Variants in TMPRSS15 observed in about 807,000 individuals in gnomAD.
TMPRSS15 encodes enteropeptidase.
In TMPRSS15, 128 loss-of-function variants were observed where a neutral mutation model predicts 125.3. That is an observed-to-expected ratio of 1.02 (90% confidence interval 0.89 to 1.18). The LOEUF is 1.18. Ranked by LOEUF, TMPRSS15 falls within the 50% of genes most tolerant of loss-of-function variation. The pLI, the probability that TMPRSS15 is intolerant of heterozygous loss-of-function variation, is 0.00. For synonymous variants in TMPRSS15, 446 were observed against 423.2 expected (o/e 1.05, Z -0.66); for missense variants, 1,283 against 1,212.7 (o/e 1.06, Z -0.86).
intron 1 of TMPRSS15, among the ~76,000 whole-genome samples, chr21:18,459,899 T>C (rs1601470214): frequency 2.0e-5 from 3 of 152,314 alleles, no homozygotes; most frequent in Admixed American, 1.3e-4. Flanking sequence ...GTCTCACACA[T>C]AATTAATTAA....
chr21:18,321,135 G>C (rs1210013302), intron 16 of TMPRSS15, among the ~76,000 whole-genome samples: 2 of 152,062 alleles, frequency 1.3e-5, no homozygotes, highest in African/African-American at 2.4e-5. Flanking sequence ...TATCAGAAAA[G>C]AGGAATAAGG....
At chr21:18,360,436 G>C (rs988058766) in intron 7 of TMPRSS15, among the ~76,000 whole-genome samples, 1 of 152,076 alleles carries the variant, frequency 6.6e-6, no homozygotes, top group Admixed American at 6.6e-5. Flanking sequence ...TCAGAATTGG[G>C]AATGCTGGAT....
intron 21 of TMPRSS15, among the ~76,000 whole-genome samples, chr21:18,289,654 G>A (rs2074810344): frequency 6.6e-6 from 1 of 152,222 alleles, no homozygotes; most frequent in South Asian, 2.1e-4. Flanking sequence ...TAATCCCTGT[G>A]ATGTCTCTGG....
At chr21:18,439,975 GA>G (rs746103167) in intron 1 of TMPRSS15, among the ~76,000 whole-genome samples, 3 of 152,122 alleles carry the variant, frequency 2.0e-5, no homozygotes, top group Non-Finnish European at 4.4e-5. Flanking sequence ...GGTTGTTGTG[GA>G]TAAGTTTTAT....
At chr21:18,417,026 G>A (rs768889053) in intron 1 of TMPRSS15, among the ~76,000 whole-genome samples, 3 of 151,942 alleles carry the variant, frequency 2.0e-5, no homozygotes, top group Non-Finnish European at 4.4e-5. Context: ...TAATTTTTAT[G>A]TATAAGATAG....
intron 1 of TMPRSS15, among the ~76,000 whole-genome samples, chr21:18,459,003 G>T (rs943865067): frequency 6.6e-6 from 1 of 151,776 alleles, no homozygotes; most frequent in African/African-American, 2.4e-5. Flanking sequence ...CTTTCTTCTA[G>T]GACCTTCATA....
intron 22 of TMPRSS15, among the ~76,000 whole-genome samples, 169 bp downstream of exon 22, chr21:18,280,871 A>C (rs73320140): frequency 0.07 from 10,699 of 152,214 alleles, 1,090 homozygotes; most frequent in African/African-American, 0.23. Context: ...CTGATGAAAG[A>C]AATTTAATAT....
At chr21:18,382,453 G>A (rs1892697247) in intron 4 of TMPRSS15, among the ~76,000 whole-genome samples, 1 of 151,970 alleles carries the variant, frequency 6.6e-6, no homozygotes, top group Non-Finnish European at 1.5e-5. Flanking sequence ...CAATCAAAGA[G>A]GAAACTATGC....
At chr21:18,427,303 T>C (rs566686125) in intron 1 of TMPRSS15, among the ~76,000 whole-genome samples, 1 of 152,316 alleles carries the variant, frequency 6.6e-6, no homozygotes, top group African/African-American at 2.4e-5. Flanking sequence ...GTGTACAGCT[T>C]TTTTAGAATT....
intron 5 of TMPRSS15, among the ~76,000 whole-genome samples, chr21:18,375,962 T>C (rs1267161959): frequency 6.6e-6 from 1 of 152,150 alleles, no homozygotes; most frequent in Non-Finnish European, 1.5e-5. Flanking sequence ...ATTGAAACCA[T>C]GGTTTGGAAA....
rs1289563363 is a variant in TMPRSS15, at chr21:18,315,680, T to C, written c.1922-424A>G. On this transcript the variant is annotated intron_variant, in intron 16 of 24. Coordinates refer to ENST00000284885, the MANE Select transcript of TMPRSS15 (RefSeq NM_002772.3). Reference sequence around the variant, plus strand: ...CTTAAAGTATAATAAAATATATATATATAAAATAATAAACATGAGTCCTTT... The same window carrying C: ...CTTAAAGTATAATAAAATATATATACATAAAATAATAAACATGAGTCCTTT... 1.0e-3 allele frequency among the ~76,000 whole-genome samples: 62 copies of C among 60,868 alleles called. 9 individuals are homozygous for C. The East Asian group carries it at 0.02, about 20-fold the overall frequency. 39.9% of individuals were successfully genotyped at this position (60,868 alleles called of 152,430 possible).
intron 19 of TMPRSS15, among the ~76,000 whole-genome samples, chr21:18,295,425 T>G (rs932618037): frequency 6.6e-6 from 1 of 152,202 alleles, no homozygotes; most frequent in African/African-American, 2.4e-5. Context: ...ACTGCAGATA[T>G]CGGCTACATT....
chr21:18,272,589 G>A (rs2074571266), intron 24 of TMPRSS15, among the ~76,000 whole-genome samples: 1 of 152,096 alleles, frequency 6.6e-6, no homozygotes, highest in Non-Finnish European at 1.5e-5. Context: ...GCCAGGTGTG[G>A]TGATGGGTGC....
chr21:18,401,129 T>C (rs1005246536), intron 1 of TMPRSS15, among the ~76,000 whole-genome samples: 2 of 152,158 alleles, frequency 1.3e-5, no homozygotes, highest in Non-Finnish European at 2.9e-5. Context: ...ACACCGTTGA[T>C]AGAAATGTAA....
Position 18,437,980 on chromosome 21 carries a change from A to G in TMPRSS15, c.11-39651T>C, listed in dbSNP as rs1431182746. Among the ~76,000 whole-genome samples the G allele has an allele frequency of 9.2e-5, 14 of 151,580 alleles. 1 individual carries two copies. Among genetic ancestry groups the G allele is most frequent in the Admixed American group, 9.2e-4 (14 of 15,180 alleles). ...ACCCAGCCATCCCATTACTGTGTATATACCCAAAGGACTATAAATCATGCT... is the reference window on the plus strand; with the variant it reads ...ACCCAGCCATCCCATTACTGTGTATGTACCCAAAGGACTATAAATCATGCT... On this transcript the variant is annotated intron_variant, in intron 1 of 7. Coordinates refer to the TMPRSS15 transcript ENST00000422787.
intron 1 of TMPRSS15, among the ~76,000 whole-genome samples, chr21:18,417,204 T>C (rs1318818517): frequency 1.3e-5 from 2 of 152,094 alleles, no homozygotes; most frequent in African/African-American, 2.4e-5. Context: ...TTTTAAATTG[T>C]CTATTACCTT....
intron 1 of TMPRSS15, among the ~76,000 whole-genome samples, chr21:18,452,109 G>A (rs912248366): frequency 1.3e-5 from 2 of 152,098 alleles, no homozygotes; most frequent in Non-Finnish European, 2.9e-5. Flanking sequence ...TTGTGTTCTT[G>A]GGGAGATATT....
At position 18,294,253 on chromosome 21, in the gene TMPRSS15, C is replaced by T. The variant is rs752210249; in HGVS notation, c.2486+17G>A. The T allele has an allele frequency of 2.5e-6, 4 of 1,613,914 alleles. No individual in the cohort carries two copies. In the Admixed American group the frequency reaches 5.0e-5, roughly 20 times the overall value. The stretch of plus-strand genomic sequence containing the variant: ...TGGTGACCTAGTTTGGGAAGGGACA[C>T]TTGACATCACACTCACCCATACACG... On this transcript the variant is annotated intron_variant, in intron 21 of 24. Coordinates refer to ENST00000284885, the MANE Select transcript of TMPRSS15 (RefSeq NM_002772.3).
chr21:18,329,702 G>T (rs567389161), intron 14 of TMPRSS15, among the ~76,000 whole-genome samples: 2 of 150,412 alleles, frequency 1.3e-5, no homozygotes, highest in African/African-American at 2.4e-5. Context: ...CCACTTTATA[G>T]GACAAGTAAG....
Sources: allele counts gnomAD v4.1 joint callset (sites outside exome capture counted in the v4.1 genomes callset), GRCh38; gene constraint gnomAD v4.1.1; transcripts MANE v1.5; gene names NCBI Gene and HGNC (gene_info 2026-07-23, HGNC 2026-07-21).